FHOD3: variants seen among roughly 807,000 people sequenced by gnomAD.
FHOD3 encodes FH1/FH2 domain-containing protein 3.
In FHOD3, 90 loss-of-function variants were observed where a neutral mutation model predicts 173.0. The ratio of observed to expected loss-of-function variants is 0.52; its 90% CI spans 0.44 to 0.62. The LOEUF (loss-of-function observed/expected upper bound fraction) is 0.62, where lower values mean the gene tolerates loss of function less well. Among genes scored for constraint, FHOD3 ranks in the 20% least tolerant of loss-of-function variants. The probability of loss-of-function intolerance (pLI) is 0.00; values close to 1 mark genes in which losing one functional copy is unlikely to be tolerated. For missense variants in FHOD3, 1,945 were observed against 2,034.7 expected (o/e 0.96, Z 0.85); for synonymous variants, 828 against 823.0 (o/e 1.01, Z -0.10).
At chr18:36,574,165 T>G (rs1171455455) in intron 5 of FHOD3, among the ~76,000 whole-genome samples, 2 of 152,224 alleles carry the variant, frequency 1.3e-5, no homozygotes, top group African/African-American at 4.8e-5. Flanking sequence ...ACATGGTAAC[T>G]TTACAAAATA....
At chr18:36,748,589 C>T (rs550245420) in intron 24 of FHOD3, among the ~76,000 whole-genome samples, 1 of 152,164 alleles carries the variant, frequency 6.6e-6, no homozygotes, top group East Asian at 1.9e-4. Flanking sequence ...TCTGATTATC[C>T]CATTCTCCTT....
chr18:36,399,957 G>A (rs961909643), intron 3 of FHOD3, among the ~76,000 whole-genome samples: 5 of 152,186 alleles, frequency 3.3e-5, no homozygotes, highest in African/African-American at 4.8e-5. Flanking sequence ...CTGAATCATA[G>A]AGTTCCTTCA....
intron 18 of FHOD3, among the ~76,000 whole-genome samples, chr18:36,713,396 C>G (rs2040278374): frequency 6.6e-6 from 1 of 152,180 alleles, no homozygotes; most frequent in Non-Finnish European, 1.5e-5. Flanking sequence ...AACAGCAATA[C>G]TAGTTTACTG....
Position 36,747,001 on chromosome 18 carries a change from T to C in FHOD3, c.4098T>C (p.Ala1366=). 1 of 1,613,458 alleles carries C rather than the reference T, an allele frequency of 6.2e-7. No individual in the cohort carries two copies. The highest frequency in any genetic ancestry group is 8.5e-7 in the Non-Finnish European group (1 of 1,179,878). ...GTCAGATGGAGAGAAGATGCAAAGC[T>C]TCATGGGATCACCTCAAGGCAATTG... ...NLCQMERRCK[A]SWDHLKAIAK... The change falls in exon 24 of 29, where the codon GCT becomes GCC. Residue 1366 remains alanine, a synonymous_variant. Transcript: ENST00000590592.
chr18:36,653,312 A>T, intron 12 of FHOD3, 30 bp from the exon 13 acceptor site: 1 of 1,501,860 alleles, frequency 6.7e-7, no homozygotes, highest in Non-Finnish European at 8.9e-7. Flanking sequence ...TCCGTGCCAC[A>T]TTGTGAGCGG....
intron 3 of FHOD3, among the ~76,000 whole-genome samples, chr18:36,436,314 T>A (rs993928710): frequency 2.4e-4 from 37 of 152,216 alleles, no homozygotes; most frequent in Non-Finnish European, 5.0e-4. Context: ...ATAATCAGAT[T>A]GTTGATTTTT....
chr18:36,374,244 G>A (rs938656798), intron 3 of FHOD3, among the ~76,000 whole-genome samples: 2 of 151,912 alleles, frequency 1.3e-5, no homozygotes, highest in Non-Finnish European at 2.9e-5. Flanking sequence ...GTATCCTATC[G>A]TCCCATGTGA....
intron 10 of FHOD3, 79 bp downstream of exon 10, chr18:36,625,828 C>A: frequency 8.0e-7 from 1 of 1,257,536 alleles, no homozygotes; most frequent in Non-Finnish European, 1.1e-6. Context: ...CCACTCTCCC[C>A]TCCCTGCTGG....
chr18:36,526,643 T>G (rs1397261289), intron 5 of FHOD3, among the ~76,000 whole-genome samples: 1 of 152,202 alleles, frequency 6.6e-6, no homozygotes, highest in African/African-American at 2.4e-5. Context: ...CCTCAGGTAA[T>G]CCACCTGCCT....
chr18:36,342,785 A>G (rs942242202), intron 1 of FHOD3, among the ~76,000 whole-genome samples: 4 of 152,228 alleles, frequency 2.6e-5, no homozygotes, highest in Non-Finnish European at 5.9e-5. Flanking sequence ...CCGATAGAAG[A>G]CTTGTATTAG....
chr18:36,613,526 T>C (rs1371180181), intron 9 of FHOD3, among the ~76,000 whole-genome samples: 3 of 152,184 alleles, frequency 2.0e-5, no homozygotes, highest in Non-Finnish European at 2.9e-5. Context: ...TGGTATGACC[T>C]CAACCAGGAA....
Position 36,718,688 on chromosome 18 carries a change from T to C in FHOD3, c.3390T>C (p.Ser1130=), listed in dbSNP as rs749195174. The C allele has an allele frequency of 2.5e-6, 4 of 1,613,742 alleles. No homozygotes were observed. The Admixed American group carries it at 6.7e-5, about 27-fold the overall frequency. ...CCAGACTGGAGCACCTGTTTGAGTC[T>C]AAATCCAAGGAACTGTCTGTCTCAA... ...DTSRLEHLFE[S]KSKELSVSKK... is the part of the protein sequence containing the mutation. The change falls in exon 19 of 29, where the codon TCT becomes TCC. Residue 1130 remains serine (S), a synonymous_variant. Transcript: ENST00000590592.
chr18:36,725,384 C>T (rs1483005440), intron 19 of FHOD3, among the ~76,000 whole-genome samples: 3 of 152,168 alleles, frequency 2.0e-5, no homozygotes, highest in African/African-American at 7.2e-5. Context: ...AGCAGGCACT[C>T]AGGAATTACC....
intron 5 of FHOD3, among the ~76,000 whole-genome samples, chr18:36,532,705 C>G (rs894059013): frequency 6.6e-6 from 1 of 152,202 alleles, no homozygotes; most frequent in Non-Finnish European, 1.5e-5. Flanking sequence ...TGGGTTCCCT[C>G]GGAGACCCAC....
intron 1 of FHOD3, among the ~76,000 whole-genome samples, chr18:36,304,981 A>G (rs887193710): frequency 6.6e-6 from 1 of 152,210 alleles, no homozygotes; most frequent in Non-Finnish European, 1.5e-5. Flanking sequence ...CTCAGTTTAC[A>G]GTGAATGGCA....
chr18:36,767,770 A>C (rs1245784499), intron 27 of FHOD3, among the ~76,000 whole-genome samples: 1 of 152,172 alleles, frequency 6.6e-6, no homozygotes, highest in Non-Finnish European at 1.5e-5. Context: ...TACTATCAGA[A>C]ATTATGACTA....
chr18:36,766,031 G>A (rs1441937735), intron 27 of FHOD3, among the ~76,000 whole-genome samples: 1 of 151,792 alleles, frequency 6.6e-6, no homozygotes, highest in African/African-American at 2.4e-5. Flanking sequence ...TAGACAAAGT[G>A]CTAAAATAAA....
chr18:36,596,081 C>T lies in FHOD3; in HGVS notation c.718+1183C>T, dbSNP rs139950535. 1.8e-3 allele frequency among the ~76,000 whole-genome samples: 280 copies of T among 152,130 alleles called. 1 individual carries two copies. Among genetic ancestry groups the T allele is most frequent in the Middle Eastern group, 3.4e-3 (1 of 292 alleles). On this transcript the variant is annotated intron_variant, in intron 7 of 28. Transcript: ENST00000590592. The stretch of plus-strand genomic sequence containing the variant: ...TATGCATAAACCAGCCAGGATGTGT[C>T]GGGAAGAAACGAGGGGCCTAAATTG...
chr18:36,312,718 T>C (rs914454342), intron 1 of FHOD3, among the ~76,000 whole-genome samples: 9 of 152,222 alleles, frequency 5.9e-5, no homozygotes, highest in African/African-American at 2.2e-4. Flanking sequence ...ATTGAATGAA[T>C]GGAAAATAAG....
Sources: allele counts gnomAD v4.1 joint callset (sites outside exome capture counted in the v4.1 genomes callset), GRCh38; gene constraint gnomAD v4.1.1; transcripts MANE v1.5; gene names NCBI Gene and HGNC (gene_info 2026-07-23, HGNC 2026-07-21).